The following ADAMTS6 variants were observed in gnomAD, a reference collection of about 807,000 sequenced individuals.
ADAMTS6 encodes the protein ADAM metallopeptidase with thrombospondin type 1 motif 6.
ADAMTS6 carries 23 observed loss-of-function variants against 144.3 expected under a neutral mutation model. The ratio of observed to expected loss-of-function variants is 0.16; its 90% CI spans 0.11 to 0.23. The LOEUF (loss-of-function observed/expected upper bound fraction) is 0.23. Ranked by LOEUF, ADAMTS6 falls within the 10% of genes least tolerant of loss-of-function variation. ADAMTS6 has a pLI of 1.00. For missense variants in ADAMTS6, 999 were observed against 1,379.6 expected, an observed-to-expected ratio of 0.72 and a Z score of 4.37; for synonymous variants, 444 against 457.5, an observed-to-expected ratio of 0.97 and a Z score of 0.38.
intron 4 of ADAMTS6, among the ~76,000 whole-genome samples, chr5:65,457,745 CTT>C (rs1180960588): frequency 4.1e-5 from 4 of 97,436 alleles, no homozygotes; most frequent in South Asian, 3.3e-4. Context: ...TTCTTTCTTT[CTT>C]TTTTTTTTTT....
At chr5:65,339,130 G>A (rs533509389) in intron 7 of ADAMTS6, among the ~76,000 whole-genome samples, 3 of 152,212 alleles carry the variant, frequency 2.0e-5, no homozygotes, top group South Asian at 2.1e-4. Context: ...AACCCACCAT[G>A]TGCATACATT....
rs544820054 is a variant in ADAMTS6 at position 65,434,012 on chromosome 5, T to G, written c.1073+17463A>C. Among the ~76,000 whole-genome samples the G allele has an allele frequency of 7.9e-5, 12 of 152,272 alleles. No homozygotes were observed. In the South Asian group the frequency reaches 2.3e-3, roughly 29 times the overall value. ...TGAAAAGGAGAAACAACCCAGTCCATCAACTGATGAATGAACAAATAAAAT... is the reference window on the plus strand; with the variant it reads ...TGAAAAGGAGAAACAACCCAGTCCAGCAACTGATGAATGAACAAATAAAAT... On this transcript the variant is annotated intron_variant, in intron 7 of 24. Coordinates refer to ENST00000381055, the MANE Select transcript of ADAMTS6 (RefSeq NM_197941.4).
chr5:65,412,851 A>G (rs1755165154), intron 7 of ADAMTS6, among the ~76,000 whole-genome samples: 1 of 152,172 alleles, frequency 6.6e-6, no homozygotes, highest in South Asian at 2.1e-4. Context: ...AATAATACTG[A>G]TACCAGAGTT....
chr5:65,312,493 T>C (rs1391792638), intron 9 of ADAMTS6, among the ~76,000 whole-genome samples: 2 of 152,062 alleles, frequency 1.3e-5, no homozygotes, highest in Non-Finnish European at 2.9e-5. Context: ...ATTATTACAA[T>C]TTGCTCATGT....
intron 7 of ADAMTS6, among the ~76,000 whole-genome samples, chr5:65,359,529 G>A (rs1433701151): frequency 6.6e-6 from 1 of 152,122 alleles, no homozygotes; most frequent in Non-Finnish European, 1.5e-5. Flanking sequence ...ACTACCATAG[G>A]ATCCAGCAAT....
chr5:65,333,536 C>T (rs1299166001), intron 8 of ADAMTS6, among the ~76,000 whole-genome samples: 2 of 150,462 alleles, frequency 1.3e-5, no homozygotes, highest in Admixed American at 1.3e-4. Context: ...ATTTATGGGG[C>T]TATACTTTTT....
intron 7 of ADAMTS6, among the ~76,000 whole-genome samples, chr5:65,438,992 G>T (rs1469539064): frequency 6.6e-6 from 1 of 152,012 alleles, no homozygotes; most frequent in Non-Finnish European, 1.5e-5. Context: ...CTATTTACTG[G>T]CAGGGTGGTA....
intron 11 of ADAMTS6, among the ~76,000 whole-genome samples, chr5:65,289,950 A>G (rs1742123630): frequency 6.6e-6 from 1 of 152,206 alleles, no homozygotes; most frequent in Non-Finnish European, 1.5e-5. Flanking sequence ...TTATTGAAAC[A>G]TAAACAACCT....
At chr5:65,409,167 G>T (rs567405039) in intron 7 of ADAMTS6, among the ~76,000 whole-genome samples, 1 of 152,146 alleles carries the variant, frequency 6.6e-6, no homozygotes, top group East Asian at 1.9e-4. Flanking sequence ...AACTGAAGGA[G>T]ACAGAGACAT....
intron 20 of ADAMTS6, among the ~76,000 whole-genome samples, chr5:65,213,805 A>ATTT (rs1273294241): frequency 2.1e-4 from 32 of 152,334 alleles, no homozygotes; most frequent in African/African-American, 7.5e-4. Context: ...ATAGTTTAAA[A>ATTT]AAGGAGTATA....
At chr5:65,233,893 T>C (rs1335977124) in intron 15 of ADAMTS6, among the ~76,000 whole-genome samples, 1 of 152,010 alleles carries the variant, frequency 6.6e-6, no homozygotes, top group African/African-American at 2.4e-5. Context: ...TACTAACCTG[T>C]AGCAATCAGA....
chr5:65,268,897 C>A (rs1163189595), intron 12 of ADAMTS6, among the ~76,000 whole-genome samples: 2 of 152,300 alleles, frequency 1.3e-5, no homozygotes, highest in East Asian at 3.9e-4. Flanking sequence ...ATCACTCGAG[C>A]AGTATTTCTA....
intron 4 of ADAMTS6, among the ~76,000 whole-genome samples, chr5:65,458,393 C>G (rs1015565837): frequency 1.3e-5 from 2 of 152,126 alleles, no homozygotes; most frequent in East Asian, 3.9e-4. Context: ...ATATCATACA[C>G]TAATTCACAA....
At chr5:65,299,209 G>A (rs1743139317) in intron 10 of ADAMTS6, among the ~76,000 whole-genome samples, 1 of 151,988 alleles carries the variant, frequency 6.6e-6, no homozygotes, top group Non-Finnish European at 1.5e-5. Flanking sequence ...ATTATAGCAT[G>A]ACATATAATC....
intron 14 of ADAMTS6, among the ~76,000 whole-genome samples, chr5:65,255,772 T>C (rs1760600610): frequency 6.6e-6 from 1 of 152,090 alleles, no homozygotes; most frequent in African/African-American, 2.4e-5. Flanking sequence ...TACTGAGCAA[T>C]TAAAAAAAAT....
intron 20 of ADAMTS6, among the ~76,000 whole-genome samples, chr5:65,200,948 A>G (rs13179138): frequency 0.064 from 9,755 of 152,222 alleles, 422 homozygotes; most frequent in Middle Eastern, 0.1. Context: ...CTTTTTGTCC[A>G]TAAGTTTAAA....
chr5:65,210,019 G>C (rs553691963), intron 20 of ADAMTS6: 1 of 209,390 alleles, frequency 4.8e-6, no homozygotes, highest in South Asian at 8.3e-5. Flanking sequence ...ATATGTAAGG[G>C]GATATGATAG....
chr5:65,292,787 G>C (rs1348152391), intron 10 of ADAMTS6, among the ~76,000 whole-genome samples: 3 of 151,976 alleles, frequency 2.0e-5, no homozygotes, highest in African/African-American at 7.2e-5. Flanking sequence ...TACTAATACA[G>C]ATGGATTTTA....
At chr5:65,255,154 C>A (rs1760536903) in intron 14 of ADAMTS6, among the ~76,000 whole-genome samples, 1 of 152,216 alleles carries the variant, frequency 6.6e-6, no homozygotes, top group Non-Finnish European at 1.5e-5. Context: ...CATTTTAGGG[C>A]AAATCACTAT....
Sources: gnomAD v4.1 joint callset for allele counts (sites outside exome capture counted in the v4.1 genomes callset) on GRCh38, gnomAD v4.1.1 for gene constraint, MANE v1.5 for transcripts, NCBI Gene and HGNC (gene_info 2026-07-23, HGNC 2026-07-21) for gene names.